Variants in SDK2 observed in about 807,000 individuals in gnomAD.
SDK2 encodes the protein sidekick cell adhesion molecule 2.
A neutral mutation model predicts 253.9 loss-of-function variants in SDK2; 105 were observed. That is an observed-to-expected ratio of 0.41 (90% confidence interval 0.35 to 0.49). The LOEUF (loss-of-function observed/expected upper bound fraction) is 0.49. Ranked by LOEUF, SDK2 falls within the 20% of genes least tolerant of loss-of-function variation. The pLI, the probability that SDK2 is intolerant of heterozygous loss-of-function variation, is 0.06. For missense variants in SDK2, 2,608 were observed against 3,003.0 expected, an observed-to-expected ratio of 0.87 and a Z score of 3.07; for synonymous variants, 1,249 against 1,234.9, an observed-to-expected ratio of 1.01 and a Z score of -0.24.
chr17:73,588,206 C>CT (rs1491189476), intron 1 of SDK2, among the ~76,000 whole-genome samples: 12 of 140,636 alleles, frequency 8.5e-5, no homozygotes, highest in African/African-American at 1.4e-4. Context: ...GACCCCCCCC[C>CT]CTCCCCCGCC....
chr17:73,612,724 C>T lies in SDK2; in HGVS notation c.64+31301G>A, dbSNP rs1472547017. On this transcript the variant is annotated intron_variant, in intron 1 of 44. Coordinates refer to ENST00000392650, the MANE Select transcript of SDK2 (RefSeq NM_001144952.2). This position sits in a 1 kb window ranked among gnomAD's most constrained non-coding sequence, Gnocchi z 4.4. The stretch of plus-strand genomic sequence containing the variant: ...ACAAGGTCAAGACTTTGAGACAAGC[C>T]TGACCAACATGGTGAAACCCCGTCT... Among the ~76,000 whole-genome samples the T allele has an allele frequency of 6.6e-6, 1 of 152,148 alleles. No homozygotes were observed.
At chr17:73,385,674 G>A (rs2062866033) in intron 32 of SDK2, among the ~76,000 whole-genome samples, 173 bp downstream of exon 32, 3 of 152,228 alleles carry the variant, frequency 2.0e-5, no homozygotes, top group Non-Finnish European at 4.4e-5. Context: ...GGCACACGGT[G>A]TATAGAATGT....
At chr17:73,401,912 G>T (rs76839449) in intron 19 of SDK2, 34 bp downstream of exon 19, 57 of 1,502,352 alleles carry the variant, frequency 3.8e-5, no homozygotes, top group East Asian at 3.1e-4. Context: ...TTGGGCGGGG[G>T]GGGGCAGAAA....
intron 1 of SDK2, among the ~76,000 whole-genome samples, chr17:73,549,595 C>T (rs538188938): frequency 2.0e-5 from 3 of 151,928 alleles, no homozygotes; most frequent in African/African-American, 4.8e-5. Flanking sequence ...GAAGGCTTCC[C>T]GGAAGAGGGA....
chr17:73,375,888 C>T (rs372091125), intron 36 of SDK2, among the ~76,000 whole-genome samples: 1 of 150,246 alleles, frequency 6.7e-6, no homozygotes, highest in African/African-American at 2.5e-5. Context: ...ATAAAATAAA[C>T]TAAACTAAAA....
At chr17:73,364,567 C>G (rs2062667975) in intron 38 of SDK2, among the ~76,000 whole-genome samples, 1 of 152,118 alleles carries the variant, frequency 6.6e-6, no homozygotes, top group Non-Finnish European at 1.5e-5. Context: ...AGCTGAGAAC[C>G]CTAAGGTTTG....
chr17:73,350,918 G>A (rs1315941571), intron 41 of SDK2, 128 bp from the exon 42 acceptor site: 1 of 943,866 alleles, frequency 1.1e-6, no homozygotes, highest in African/African-American at 1.6e-5. Flanking sequence ...TCCGAATGAG[G>A]CAGAACCTCT....
At chr17:73,342,324 C>T (rs565303117) in intron 44 of SDK2, among the ~76,000 whole-genome samples, 2 of 152,278 alleles carry the variant, frequency 1.3e-5, no homozygotes, top group East Asian at 1.9e-4. Context: ...CAATGCAGCA[C>T]AATACAAGCC....
chr17:73,366,574 G>A (rs2062687223), intron 37 of SDK2, among the ~76,000 whole-genome samples: 2 of 152,184 alleles, frequency 1.3e-5, no homozygotes, highest in South Asian at 4.1e-4. Flanking sequence ...GGAGGCCGGG[G>A]CAAAAGGCCA....
chr17:73,547,657 T>G (rs2044986893), intron 1 of SDK2, among the ~76,000 whole-genome samples: 1 of 152,200 alleles, frequency 6.6e-6, no homozygotes, highest in Non-Finnish European at 1.5e-5. Flanking sequence ...AATGGTCTCC[T>G]TCAAGCTCTT....
intron 2 of SDK2, among the ~76,000 whole-genome samples, chr17:73,476,407 G>T (rs1221591776): frequency 1.3e-5 from 2 of 152,000 alleles, no homozygotes; most frequent in Non-Finnish European, 1.5e-5. Context: ...TCTATTTTTT[G>T]ATTTTATGTC....
chr17:73,597,795 G>A (rs1311352003), intron 1 of SDK2, among the ~76,000 whole-genome samples: 6 of 151,858 alleles, frequency 4.0e-5, no homozygotes, highest in Admixed American at 3.3e-4. Context: ...ACAGGCACCC[G>A]CCACCACGCC....
chr17:73,547,757 T>A (rs1226621049), intron 1 of SDK2, among the ~76,000 whole-genome samples: 2 of 152,196 alleles, frequency 1.3e-5, no homozygotes, highest in Non-Finnish European at 2.9e-5. Flanking sequence ...AGATTTTTGA[T>A]CTCATTTGAT....
intron 2 of SDK2, among the ~76,000 whole-genome samples, chr17:73,498,901 T>C (rs1165193173): frequency 6.6e-6 from 1 of 152,202 alleles, no homozygotes; most frequent in Non-Finnish European, 1.5e-5. Context: ...CTGAAGATCC[T>C]GGGTGAAACC....
chr17:73,375,324 C>T (rs2145453915), intron 36 of SDK2, among the ~76,000 whole-genome samples: 1 of 146,248 alleles, frequency 6.8e-6, no homozygotes, highest in South Asian at 2.2e-4. Context: ...TCACTGCACC[C>T]TCACTCGGCC....
chr17:73,414,895 C>T (rs991045469), intron 17 of SDK2, 136 bp from the exon 18 acceptor site: 9 of 617,524 alleles, frequency 1.5e-5, no homozygotes, highest in Middle Eastern at 3.9e-4. Context: ...ACTCCTCCCT[C>T]GCTGTGTAGA....
intron 6 of SDK2, among the ~76,000 whole-genome samples, chr17:73,439,592 C>T (rs1349103869): frequency 1.3e-5 from 2 of 152,162 alleles, no homozygotes; most frequent in African/African-American, 4.8e-5. Context: ...CTCTCCCTCT[C>T]CAGGAAGTTT....
chr17:73,610,756 T>C (rs1348897978), intron 1 of SDK2, among the ~76,000 whole-genome samples: 2 of 152,192 alleles, frequency 1.3e-5, no homozygotes, highest in Non-Finnish European at 2.9e-5. Flanking sequence ...TGTGAGCATA[T>C]GTATCTATAT....
At chr17:73,458,960 G>T (rs1044542154) in intron 3 of SDK2, among the ~76,000 whole-genome samples, 3 of 152,042 alleles carry the variant, frequency 2.0e-5, no homozygotes, top group Non-Finnish European at 4.4e-5. Flanking sequence ...GCCGAGATGG[G>T]GTCGTTGTAC....
Sources: allele counts gnomAD v4.1 joint callset (sites outside exome capture counted in the v4.1 genomes callset), GRCh38; gene constraint gnomAD v4.1.1; non-coding constraint Gnocchi (gnomAD v3.1); transcripts MANE v1.5; gene names NCBI Gene and HGNC (gene_info 2026-07-23, HGNC 2026-07-21).